TMEM45B: variants seen among roughly 807,000 people sequenced by gnomAD.
TMEM45B encodes transmembrane protein 45B.
In TMEM45B, 29 loss-of-function variants were observed where a neutral mutation model predicts 27.3. That is an observed-to-expected ratio of 1.06 (90% CI 0.79 to 1.45). The LOEUF is 1.45. TMEM45B is among the 40% of genes most tolerant of loss of function. TMEM45B has a pLI of 0.00. For missense variants in TMEM45B, 348 were observed against 343.9 expected (o/e 1.01, Z -0.09); for synonymous variants, 143 against 134.7 (o/e 1.06, Z -0.43).
rs1157364815 is a variant in TMEM45B, at chr11:129,857,333, A to G, written c.591A>G (p.Pro197=). ...WFWQIGFVLF[P]PFGTPEWDQK... is the part of the protein sequence containing the mutation. ...CCTAGATTGGGTTTGTGCTGTTCCCACCTTTTGGAACACCCGAATGGGACC... is the reference window on the plus strand; with the variant it reads ...CCTAGATTGGGTTTGTGCTGTTCCCGCCTTTTGGAACACCCGAATGGGACC... Residue 197 remains proline (P), a synonymous_variant, in exon 5 of 6, where the codon CCA becomes CCG. Coordinates refer to ENST00000281441, the MANE Select transcript of TMEM45B (RefSeq NM_138788.5). The G allele has an allele frequency of 6.2e-7, 1 of 1,614,066 alleles. No individual in the cohort carries two copies. Among genetic ancestry groups the G allele is most frequent in the East Asian group, 2.2e-5 (1 of 44,860 alleles).
chr11:129,852,453 C>G, intron 1 of TMEM45B, 22 bp from the exon 2 acceptor site: 1 of 1,573,748 alleles, frequency 6.4e-7, no homozygotes, highest in South Asian at 1.1e-5. Context: ...AGCCACCTAA[C>G]AGCCTTCCCC....
chr11:129,830,685 T>C (rs1387782448), intron 1 of TMEM45B, among the ~76,000 whole-genome samples: 1 of 152,230 alleles, frequency 6.6e-6, no homozygotes, highest in Admixed American at 6.5e-5. Context: ...CATTTCTCCA[T>C]GTGCCCAATA....
rs149287572 is a variant in TMEM45B at position 129,855,729 on chromosome 11, T to G, written c.407T>G (p.Val136Gly). 1.3e-5 allele frequency: 21 copies of G among 1,614,180 alleles called. No individual in the cohort carries two copies. In the Admixed American group the frequency reaches 3.5e-4, roughly 27 times the overall value. ...FMEGFLFYYH[V>G]HNRPPLDQHI... Reference sequence around the variant, plus strand: ...GCAGGTTTCCTCTTCTACTACCACGTCCACAACCGGCCTCCGCTGGACCAG... The same window carrying G: ...GCAGGTTTCCTCTTCTACTACCACGGCCACAACCGGCCTCCGCTGGACCAG... Residue 136 changes from valine to glycine, a missense_variant, in exon 4 of 6, where the codon GTC becomes GGC. Coordinates refer to ENST00000281441, the MANE Select transcript of TMEM45B (RefSeq NM_138788.5).
intron 1 of TMEM45B, among the ~76,000 whole-genome samples, chr11:129,831,129 A>G (rs1369163272): frequency 6.6e-6 from 1 of 152,244 alleles, no homozygotes; most frequent in Non-Finnish European, 1.5e-5. Context: ...TATTAGAACT[A>G]TATGTGTACT....
intron 1 of TMEM45B, among the ~76,000 whole-genome samples, chr11:129,830,153 C>T (rs1377706535): frequency 6.6e-6 from 1 of 152,144 alleles, no homozygotes; most frequent in African/African-American, 2.4e-5. Context: ...CATGGTGAAA[C>T]CTTGTCTCTA....
intron 1 of TMEM45B, among the ~76,000 whole-genome samples, chr11:129,825,165 T>A (rs1947463615): frequency 6.6e-6 from 1 of 152,020 alleles, no homozygotes; most frequent in Non-Finnish European, 1.5e-5. Context: ...GGCCTCGCAG[T>A]GTTTAGGAAA....
intron 1 of TMEM45B, among the ~76,000 whole-genome samples, chr11:129,824,850 G>C (rs1415871885): frequency 6.6e-6 from 1 of 152,230 alleles, no homozygotes; most frequent in African/African-American, 2.4e-5. Context: ...ATTCACAGAG[G>C]CTTCCTGGAG....
Position 129,856,621 on chromosome 11 carries a change from G to A in TMEM45B, c.571-692G>A, listed in dbSNP as rs187087573. ...GTCGCCCAGGCTGGAGTGCAGTGGCGCAATCTTGGCTCACTGCAAGCTCCA... is the reference window on the plus strand; with the variant it reads ...GTCGCCCAGGCTGGAGTGCAGTGGCACAATCTTGGCTCACTGCAAGCTCCA... On this transcript the variant is annotated intron_variant, in intron 4 of 5. Transcript: ENST00000281441. Among the ~76,000 whole-genome samples the A allele has an allele frequency of 3.2e-3, 450 of 139,084 alleles. 1 individual carries two copies. The highest frequency in any genetic ancestry group is 5.4e-3 in the Non-Finnish European group (359 of 66,154). The allele number at this position is 139,084 out of a possible 152,430, so 91.2% of individuals were successfully genotyped here.
At chr11:129,854,015 GT>G (rs1417126669) in intron 2 of TMEM45B, among the ~76,000 whole-genome samples, 2 of 152,296 alleles carry the variant, frequency 1.3e-5, no homozygotes, top group African/African-American at 4.8e-5. Flanking sequence ...CCTCTGCCTT[GT>G]TTACCCGGTG....
intron 1 of TMEM45B, 141 bp from the exon 2 acceptor site, chr11:129,852,334 G>T: frequency 2.7e-6 from 2 of 729,954 alleles, no homozygotes; most frequent in Non-Finnish European, 2.2e-6. Context: ...GTAACATAAG[G>T]CTTGTTTTAT....
chr11:129,843,103 C>T (rs970053489), intron 1 of TMEM45B, among the ~76,000 whole-genome samples: 2 of 152,138 alleles, frequency 1.3e-5, no homozygotes, highest in Admixed American at 6.6e-5. Context: ...CCACGGCTGG[C>T]TAATTTTTTG....
intron 1 of TMEM45B, among the ~76,000 whole-genome samples, chr11:129,847,533 TCC>T (rs1051382166): frequency 3.3e-5 from 5 of 151,368 alleles, no homozygotes; most frequent in African/African-American, 1.2e-4. Flanking sequence ...TCTCTGGTTT[TCC>T]TAGGCAGAGT....
intron 1 of TMEM45B, among the ~76,000 whole-genome samples, chr11:129,836,153 C>G (rs1213924186): frequency 6.6e-6 from 1 of 152,004 alleles, no homozygotes; most frequent in Non-Finnish European, 1.5e-5. Context: ...GGAATTTGCC[C>G]TACCAGGTTC....
intron 2 of TMEM45B, chr11:129,852,971 AC>A (rs1490954893): frequency 2.7e-5 from 6 of 225,640 alleles, no homozygotes; most frequent in Admixed American, 5.4e-5. Flanking sequence ...AGAGAAAAAA[AC>A]AAAATAGATT....
intron 1 of TMEM45B, among the ~76,000 whole-genome samples, chr11:129,827,504 T>A (rs985496226): frequency 1.3e-5 from 2 of 151,430 alleles, no homozygotes; most frequent in African/African-American, 4.8e-5. Flanking sequence ...AAAACATGCA[T>A]TAAACATATG....
intron 1 of TMEM45B, among the ~76,000 whole-genome samples, chr11:129,823,555 C>A (rs568170042): frequency 2.9e-4 from 44 of 152,278 alleles, no homozygotes; most frequent in Admixed American, 4.6e-4. Context: ...CTTAAATTGA[C>A]CCTATTATCT....
At chr11:129,844,101 T>A (rs2135585132) in intron 1 of TMEM45B, among the ~76,000 whole-genome samples, 1 of 152,224 alleles carries the variant, frequency 6.6e-6, no homozygotes, top group African/African-American at 2.4e-5. Flanking sequence ...ATATATAGAA[T>A]GGGATATTAT....
At chr11:129,831,560 C>T (rs527727109) in intron 1 of TMEM45B, among the ~76,000 whole-genome samples, 2 of 152,236 alleles carry the variant, frequency 1.3e-5, no homozygotes, top group Non-Finnish European at 2.9e-5. Context: ...GGTTTTGGAC[C>T]ACAGTTGACT....
At chr11:129,816,732 CTTTTTT>C (rs869217352) in intron 1 of TMEM45B, among the ~76,000 whole-genome samples, 4 of 79,748 alleles carry the variant, frequency 5.0e-5, no homozygotes, top group East Asian at 4.1e-4. Context: ...ATGGCCACTT[CTTTTTT>C]TTTTTTTTTT....
Sources: gnomAD v4.1 joint callset for allele counts (sites outside exome capture counted in the v4.1 genomes callset) on GRCh38, gnomAD v4.1.1 for gene constraint, MANE v1.5 for transcripts, NCBI Gene and HGNC (gene_info 2026-07-23, HGNC 2026-07-21) for gene names.